The following CACNB2 variants were observed in gnomAD, a reference collection of about 807,000 sequenced individuals.
The protein encoded by CACNB2 is voltage-dependent L-type calcium channel subunit beta-2.
Under a neutral mutation model 73.3 loss-of-function variants are expected in CACNB2, and 42 were observed. The ratio of observed to expected loss-of-function variants is 0.57; its 90% CI spans 0.45 to 0.74. CACNB2 has a LOEUF of 0.74. Among genes scored for constraint, CACNB2 ranks in the 30% least tolerant of loss-of-function variants. The pLI is 0.00. For missense variants in CACNB2, 940 were observed against 853.0 expected, an observed-to-expected ratio of 1.10 and a Z score of -1.27; for synonymous variants, 348 against 310.3, an observed-to-expected ratio of 1.12 and a Z score of -1.28.
rs112252058 is a variant in CACNB2, at chr10:18,240,400, G to T, written c.213+89425G>T. On this transcript the variant is annotated intron_variant, in intron 2 of 13. Coordinates refer to ENST00000324631, the MANE Select transcript of CACNB2 (RefSeq NM_201596.3). ...TCCAAGCAGCGTGGTATGTGATGGCGTACTCAAAACTAGTCTGGCTCAACT... is the reference window on the plus strand; with the variant it reads ...TCCAAGCAGCGTGGTATGTGATGGCTTACTCAAAACTAGTCTGGCTCAACT... Among the ~76,000 whole-genome samples, 6 of 152,098 alleles carry T rather than the reference G, an allele frequency of 3.9e-5. No individual in the cohort carries two copies. The East Asian group carries it at 1.2e-3, about 29-fold the overall frequency.
At chr10:18,459,962 C>T (rs2047479588) in intron 3 of CACNB2, among the ~76,000 whole-genome samples, 2 of 152,294 alleles carry the variant, frequency 1.3e-5, no homozygotes, top group South Asian at 2.1e-4. Flanking sequence ...CGCACCACTG[C>T]ACTCCAGCCT....
intron 2 of CACNB2, among the ~76,000 whole-genome samples, chr10:18,208,411 G>A (rs761145973): frequency 2.6e-5 from 4 of 152,048 alleles, no homozygotes; most frequent in Non-Finnish European, 5.9e-5. Flanking sequence ...CTGGGAGTTC[G>A]AGACCAGACT....
intron 2 of CACNB2, among the ~76,000 whole-genome samples, chr10:18,263,612 CT>C (rs1238216163): frequency 6.6e-6 from 1 of 152,114 alleles, no homozygotes; most frequent in Non-Finnish European, 1.5e-5. Flanking sequence ...AGTATGACAG[CT>C]TTCTTAAGAA....
intron 2 of CACNB2, among the ~76,000 whole-genome samples, chr10:18,275,166 A>G (rs16917138): frequency 0.13 from 19,199 of 152,190 alleles, 1,372 homozygotes; most frequent in Middle Eastern, 0.17. Flanking sequence ...CTCCATCGCT[A>G]TCTGGAGAAA....
At chr10:18,357,104 C>T (rs1399938549) in intron 2 of CACNB2, among the ~76,000 whole-genome samples, 1 of 150,364 alleles carries the variant, frequency 6.7e-6, no homozygotes, top group African/African-American at 2.5e-5. Context: ...ACCACCATGC[C>T]CGGCTAATTT....
At chr10:18,409,451 G>C (rs541017163) in intron 3 of CACNB2, among the ~76,000 whole-genome samples, 25 of 152,284 alleles carry the variant, frequency 1.6e-4, no homozygotes, top group Non-Finnish European at 1.8e-4. Flanking sequence ...TATTCATTCA[G>C]TTTTGACCTG....
rs981455605 is a variant in CACNB2 at position 18,517,891 on chromosome 10, G to A, written c.805-445G>A. Among the ~76,000 whole-genome samples, 8 of 152,196 alleles carry A rather than the reference G, an allele frequency of 5.3e-5. No homozygotes were observed. In the South Asian group the frequency reaches 1.7e-3, roughly 31 times the overall value. ...CACAGGTAAGACAAAAACCTAAGAT[G>A]CAAAGGTAATGCAATCTTTCTTTCC... On this transcript the variant is annotated intron_variant, in intron 7 of 13. Coordinates refer to ENST00000324631, the MANE Select transcript of CACNB2 (RefSeq NM_201596.3).
At chr10:18,441,355 A>T (rs937584488) in intron 3 of CACNB2, among the ~76,000 whole-genome samples, 4 of 152,158 alleles carry the variant, frequency 2.6e-5, no homozygotes, top group African/African-American at 9.7e-5. Flanking sequence ...CAGTGAGCTG[A>T]TATCGCGTCA....
intron 2 of CACNB2, among the ~76,000 whole-genome samples, chr10:18,167,941 C>T (rs2032969482): frequency 1.3e-5 from 2 of 152,152 alleles, no homozygotes; most frequent in Admixed American, 6.5e-5. Context: ...CCCCCGACCC[C>T]AACCCCATTG....
intron 2 of CACNB2, among the ~76,000 whole-genome samples, chr10:18,293,520 A>G (rs1038721618): frequency 1.3e-5 from 2 of 152,258 alleles, no homozygotes; most frequent in African/African-American, 4.8e-5. Flanking sequence ...TGTTTCTACC[A>G]TGAAAGCAAA....
chr10:18,193,933 G>A (rs951444730), intron 2 of CACNB2, among the ~76,000 whole-genome samples: 1 of 152,084 alleles, frequency 6.6e-6, no homozygotes, highest in African/African-American at 2.4e-5. Flanking sequence ...ACATCCTATG[G>A]TATGTTAGGA....
intron 2 of CACNB2, among the ~76,000 whole-genome samples, chr10:18,210,146 A>G (rs2131347410): frequency 6.6e-6 from 1 of 152,288 alleles, no homozygotes; most frequent in African/African-American, 2.4e-5. Flanking sequence ...TCCACTTGGG[A>G]GCGTGGCAGG....
At chr10:18,216,059 G>A (rs1266783629) in intron 2 of CACNB2, among the ~76,000 whole-genome samples, 1 of 152,020 alleles carries the variant, frequency 6.6e-6, no homozygotes, top group Non-Finnish European at 1.5e-5. Context: ...ACTTTGAGAG[G>A]CCGAGGCGGG....
At chr10:18,404,699 A>C (rs1453810309) in intron 3 of CACNB2, among the ~76,000 whole-genome samples, 1 of 152,328 alleles carries the variant, frequency 6.6e-6, no homozygotes, top group Non-Finnish European at 1.5e-5. Flanking sequence ...AAATACAAAC[A>C]CATTATCCAC....
At chr10:18,405,430 G>A (rs965152564) in intron 3 of CACNB2, among the ~76,000 whole-genome samples, 1 of 152,152 alleles carries the variant, frequency 6.6e-6, no homozygotes, top group African/African-American at 2.4e-5. Flanking sequence ...TAGGTATTGT[G>A]CGTAATGCTG....
intron 3 of CACNB2, among the ~76,000 whole-genome samples, chr10:18,471,188 C>T (rs1046393562): frequency 6.6e-6 from 1 of 152,088 alleles, no homozygotes; most frequent in Non-Finnish European, 1.5e-5. Flanking sequence ...TGCCTGTAAT[C>T]CCAGCTACTC....
At chr10:18,495,060 G>A (rs1008291075) in intron 3 of CACNB2, among the ~76,000 whole-genome samples, 6 of 152,102 alleles carry the variant, frequency 3.9e-5, no homozygotes, top group Non-Finnish European at 5.9e-5. Flanking sequence ...AATAACTCAT[G>A]TCTGACACAT....
intron 3 of CACNB2, 118 bp downstream of exon 3, chr10:18,402,161 T>G: frequency 1.7e-6 from 2 of 1,171,802 alleles, no homozygotes; most frequent in Non-Finnish European, 2.5e-6. Flanking sequence ...ATTGTCTGGT[T>G]TTAGAAAGGT....
chr10:18,404,128 T>A (rs77018321), intron 3 of CACNB2, among the ~76,000 whole-genome samples: 5,614 of 152,114 alleles, frequency 0.037, 262 homozygotes, highest in South Asian at 0.13. Flanking sequence ...TAAAATTTTT[T>A]AAAAAATAGT....
Sources: allele counts gnomAD v4.1 joint callset (sites outside exome capture counted in the v4.1 genomes callset), GRCh38; gene constraint gnomAD v4.1.1; transcripts MANE v1.5; gene names NCBI Gene and HGNC (gene_info 2026-07-23, HGNC 2026-07-21).